Variants in TJP2 observed in about 807,000 individuals in gnomAD.
TJP2 encodes tight junction protein 2.
Under a neutral mutation model 133.1 loss-of-function variants are expected in TJP2, and 91 were observed. The observed-to-expected ratio is 0.68, with a 90% CI of 0.58 to 0.81. The LOEUF (loss-of-function observed/expected upper bound fraction) is 0.81. Ranked by LOEUF, TJP2 falls within the 40% of genes least tolerant of loss-of-function variation. The pLI is 0.00. For missense variants in TJP2, 1,541 were observed against 1,565.6 expected (o/e 0.98, Z 0.26); for synonymous variants, 592 against 583.4 (o/e 1.01, Z -0.21).
chr9:69,149,671 G>T (rs1312797297), intron 1 of TJP2, among the ~76,000 whole-genome samples: 5 of 152,126 alleles, frequency 3.3e-5, no homozygotes, highest in Admixed American at 2.0e-4. Flanking sequence ...TCCTGTGACT[G>T]CCCGAGTGAA....
At position 69,231,263 on chromosome 9, in the gene TJP2, A is replaced by C. The variant is rs565067193; in HGVS notation, c.1671+1031A>C. 1.1e-3 allele frequency among the ~76,000 whole-genome samples: 171 copies of C among 151,944 alleles called. 1 individual carries two copies. The highest frequency in any genetic ancestry group is 4.1e-3 in the African/African-American group (168 of 41,466). On this transcript the variant is annotated intron_variant, in intron 11 of 22. Transcript: ENST00000377245. ...TAGCTGGGATTACAGGTGAACTCTTAATTTTTGTCTTTTTAGTAGAGACAG... is the reference window on the plus strand; with the variant it reads ...TAGCTGGGATTACAGGTGAACTCTTCATTTTTGTCTTTTTAGTAGAGACAG...
At chr9:69,139,939 G>A (rs1822941159) in intron 1 of TJP2, among the ~76,000 whole-genome samples, 1 of 152,186 alleles carries the variant, frequency 6.6e-6, no homozygotes, top group African/African-American at 2.4e-5. Flanking sequence ...GCAGGCTTCT[G>A]TCTGGAGCCA....
At chr9:69,219,955 A>C (rs2133262472) in intron 4 of TJP2, among the ~76,000 whole-genome samples, 1 of 152,070 alleles carries the variant, frequency 6.6e-6, no homozygotes, top group East Asian at 1.9e-4. Context: ...GTTCGAGACC[A>C]GCCTGGCCAA....
At chr9:69,196,061 C>T (rs1399821699) in intron 1 of TJP2, among the ~76,000 whole-genome samples, 1 of 152,208 alleles carries the variant, frequency 6.6e-6, no homozygotes, top group Non-Finnish European at 1.5e-5. Context: ...CTCCTGGGTT[C>T]AAGCAGTGCT....
At chr9:69,188,811 G>A (rs1826023907) in intron 1 of TJP2, among the ~76,000 whole-genome samples, 1 of 152,098 alleles carries the variant, frequency 6.6e-6, no homozygotes. Context: ...CTTTCTTCAA[G>A]TCCATAGCCT....
rs10543289 is a variant in TJP2 at position 69,152,817 on chromosome 9, C to CTTTTTTTTTTTTT, written c.-10+1065_-10+1077dup. Among the ~76,000 whole-genome samples the CTTTTTTTTTTTTT allele has an allele frequency of 1.9e-4, 9 of 48,032 alleles. 2 individuals are homozygous for CTTTTTTTTTTTTT. Among genetic ancestry groups the CTTTTTTTTTTTTT allele is most frequent in the Non-Finnish European group, 2.4e-4 (6 of 25,222 alleles). The allele number at this position is 48,032 out of a possible 152,430, so 31.5% of individuals were successfully genotyped here. ...TTACTGAAATGTTCTCTCTGGAGCTCTTTTTTTTTTTTTTTTTTTTTTTTT... is the reference window on the plus strand; with the variant it reads ...TTACTGAAATGTTCTCTCTGGAGCTCTTTTTTTTTTTTTTTTTTTTTTTTTTTTTTTTTTTTTT... On this transcript the variant is annotated intron_variant, in intron 2 of 5. Coordinates refer to the TJP2 transcript ENST00000423935.
chr9:69,231,631 C>T (rs535379646), intron 11 of TJP2, among the ~76,000 whole-genome samples: 1 of 150,870 alleles, frequency 6.6e-6, no homozygotes, highest in Non-Finnish European at 1.5e-5. Context: ...GGCCCCGTTG[C>T]AGTATTTCAG....
intron 1 of TJP2, among the ~76,000 whole-genome samples, chr9:69,201,867 C>T (rs1357829211): frequency 6.6e-6 from 1 of 151,738 alleles, no homozygotes; most frequent in Non-Finnish European, 1.5e-5. Flanking sequence ...CACAGGAAGA[C>T]AAATCTTGTG....
At chr9:69,173,989 C>A, upstream of TJP2, 1 of 985,100 alleles carries the variant, frequency 1.0e-6, no homozygotes, top group Non-Finnish European at 1.2e-6. Flanking sequence ...GGGCTGCGGG[C>A]CGCTCGGGCC....
chr9:69,250,662 C>G (rs1252604522), intron 20 of TJP2, among the ~76,000 whole-genome samples: 1 of 152,178 alleles, frequency 6.6e-6, no homozygotes, highest in Non-Finnish European at 1.5e-5. Context: ...CTCAGTGCAG[C>G]AGTGACCTCA....
intron 7 of TJP2, among the ~76,000 whole-genome samples, chr9:69,227,006 GTAA>G (rs1217227156): frequency 6.6e-6 from 1 of 152,116 alleles, no homozygotes; most frequent in East Asian, 1.9e-4. Flanking sequence ...TTTTAACCTT[GTAA>G]AAATTGCCAA....
intron 16 of TJP2, 62 bp downstream of exon 16, chr9:69,238,851 C>CAGCAGAT (rs1338991501): frequency 1.5e-6 from 2 of 1,341,538 alleles, no homozygotes; most frequent in Non-Finnish European, 1.1e-6. Context: ...TTGCTGCAGT[C>CAGCAGAT]ACTTTTAGGA....
rs75668442 is a variant in TJP2, at chr9:69,239,948, A to T, written c.2367A>T (p.Ala789=). ...CCTTTTGTAAACAGGATAAGCATGC[A>T]CTACTGGATGTGACTCCGAAAGCTG... ...VRQIIEQDKH[A]LLDVTPKAVD... is the part of the protein sequence containing the mutation. Residue 789 remains alanine (A), a synonymous_variant, in exon 17 of 23, where the codon GCA becomes GCT. Coordinates refer to ENST00000377245, the MANE Select transcript of TJP2 (RefSeq NM_004817.4). The T allele has an allele frequency of 1.2e-6, 2 of 1,614,084 alleles. No individual in the cohort carries two copies. Among genetic ancestry groups the T allele is most frequent in the South Asian group, 1.1e-5 (1 of 91,088 alleles).
At chr9:69,153,539 G>A (rs1307490649) in intron 2 of TJP2, among the ~76,000 whole-genome samples, 1 of 152,126 alleles carries the variant, frequency 6.6e-6, no homozygotes, top group African/African-American at 2.4e-5. Flanking sequence ...AGCTGAGATC[G>A]TGCCACTGCA....
intron 1 of TJP2, among the ~76,000 whole-genome samples, chr9:69,179,533 G>T (rs1193945236): frequency 6.8e-6 from 1 of 146,244 alleles, no homozygotes; most frequent in Non-Finnish European, 1.5e-5. Flanking sequence ...TTTTGAGACG[G>T]AGTCTCCCTC....
At chr9:69,184,070 G>A (rs1468305967) in intron 1 of TJP2, among the ~76,000 whole-genome samples, 1 of 152,180 alleles carries the variant, frequency 6.6e-6, no homozygotes, top group Non-Finnish European at 1.5e-5. Context: ...AAACCTGGGT[G>A]TGAATTCTTT....
intron 1 of TJP2, among the ~76,000 whole-genome samples, chr9:69,197,505 TTTTG>T (rs775419392): frequency 6.6e-6 from 1 of 152,266 alleles, no homozygotes; most frequent in Non-Finnish European, 1.5e-5. Flanking sequence ...TACTTGTTGG[TTTTG>T]TTTTTCTTTT....
intron 1 of TJP2, among the ~76,000 whole-genome samples, chr9:69,190,533 C>A (rs953867320): frequency 1.6e-4 from 25 of 152,272 alleles, no homozygotes; most frequent in Middle Eastern, 6.8e-3. Context: ...TAAACAAATA[C>A]AAGGAAATAA....
At chr9:69,229,008 A>G (rs1829560152) in intron 9 of TJP2, among the ~76,000 whole-genome samples, 176 bp from the exon 10 acceptor site, 1 of 152,180 alleles carries the variant, frequency 6.6e-6, no homozygotes, top group Non-Finnish European at 1.5e-5. Context: ...GTATTTTGAG[A>G]AACCATTGGC....
Sources: gnomAD v4.1 joint callset for allele counts (sites outside exome capture counted in the v4.1 genomes callset) on GRCh38, gnomAD v4.1.1 for gene constraint, MANE v1.5 for transcripts, NCBI Gene and HGNC (gene_info 2026-07-23, HGNC 2026-07-21) for gene names.